The following DGKB variants were observed in gnomAD, a reference collection of about 807,000 sequenced individuals.
DGKB encodes diacylglycerol kinase beta, also known as 90 kDa diacylglycerol kinase.
A neutral mutation model predicts 114.3 loss-of-function variants in DGKB; 67 were observed. The observed-to-expected ratio is 0.59, with a 90% CI of 0.48 to 0.72. DGKB has a LOEUF of 0.72. Among genes scored for constraint, DGKB ranks in the 30% least tolerant of loss-of-function variants. The probability of loss-of-function intolerance (pLI) is 0.00; values close to 1 mark genes in which losing one functional copy is unlikely to be tolerated. For missense variants in DGKB, 907 were observed against 975.2 expected, an observed-to-expected ratio of 0.93 and a Z score of 0.93; for synonymous variants, 398 against 323.1, an observed-to-expected ratio of 1.23 and a Z score of -2.49.
chr7:14,837,676 A>C (rs896518214), intron 2 of DGKB, among the ~76,000 whole-genome samples: 3 of 152,178 alleles, frequency 2.0e-5, no homozygotes, highest in Non-Finnish European at 4.4e-5. Flanking sequence ...ACTTACCAAT[A>C]CTGCATTGCA....
intron 1 of DGKB, among the ~76,000 whole-genome samples, chr7:14,872,576 T>A (rs1256643486): frequency 6.6e-6 from 1 of 151,996 alleles, no homozygotes; most frequent in Non-Finnish European, 1.5e-5. Flanking sequence ...TAATGTAGTA[T>A]TTTGGTGAAT....
chr7:14,289,860 G>A (rs577983721), intron 23 of DGKB, among the ~76,000 whole-genome samples: 267 of 151,752 alleles, frequency 1.8e-3, no homozygotes, highest in Middle Eastern at 6.9e-3. Context: ...AAAGGCAAAC[G>A]GAACTTTGCA....
At chr7:14,514,769 G>A (rs185363926) in intron 20 of DGKB, among the ~76,000 whole-genome samples, 1 of 152,166 alleles carries the variant, frequency 6.6e-6, no homozygotes, top group East Asian at 1.9e-4. Flanking sequence ...TTTAAAAAAA[G>A]GAGGCCAGGT....
chr7:14,345,513 A>G, intron 21 of DGKB, 122 bp from the exon 22 acceptor site: 3 of 553,798 alleles, frequency 5.4e-6, no homozygotes, highest in African/African-American at 1.9e-5. Context: ...GACATCTAAA[A>G]TGTAATAGAT....
intron 1 of DGKB, among the ~76,000 whole-genome samples, chr7:14,965,738 A>G (rs1394386961): frequency 6.6e-6 from 1 of 152,068 alleles, no homozygotes; most frequent in African/African-American, 2.4e-5. Context: ...TGACATCAAA[A>G]TAATATAAAA....
intron 1 of DGKB, among the ~76,000 whole-genome samples, chr7:14,876,652 GCTCATGCAA>G (rs1398983139): frequency 6.6e-6 from 1 of 152,188 alleles, no homozygotes; most frequent in Non-Finnish European, 1.5e-5. Flanking sequence ...ATCAAATTCA[GCTCATGCAA>G]CTTGGTTGCT....
chr7:14,833,522 G>A (rs960258806), intron 2 of DGKB, among the ~76,000 whole-genome samples: 1 of 152,092 alleles, frequency 6.6e-6, no homozygotes, highest in African/African-American at 2.4e-5. Flanking sequence ...TCTCCACAAG[G>A]AAAGGGGAGA....
rs575395858 is a variant in DGKB at position 14,391,804 on chromosome 7, G to A, written c.1836-46413C>T. On this transcript the variant is annotated intron_variant, in intron 21 of 25. Transcript: ENST00000402815. ...CTTCAGTAGTGTTCACATGCTTAAA[G>A]TTAAAATAAATGCAAAATGCTCACT... Among the ~76,000 whole-genome samples, 30 of 152,256 alleles carry A rather than the reference G, an allele frequency of 2.0e-4. 3 individuals carry two copies. In the East Asian group the frequency reaches 3.5e-3, roughly 18 times the overall value.
At chr7:14,490,193 G>T (rs760153076) in intron 20 of DGKB, among the ~76,000 whole-genome samples, 2 of 151,956 alleles carry the variant, frequency 1.3e-5, no homozygotes, top group East Asian at 3.9e-4. Context: ...TCAAGTTAAG[G>T]TAGCCAAAAC....
intron 25 of DGKB, among the ~76,000 whole-genome samples, chr7:14,160,074 A>G (rs1783635187): frequency 6.6e-6 from 1 of 152,034 alleles, no homozygotes; most frequent in African/African-American, 2.4e-5. Flanking sequence ...CACCTCACAG[A>G]TTTGTCATGA....
chr7:14,258,678 C>T (rs1166240354), intron 23 of DGKB, among the ~76,000 whole-genome samples: 1 of 152,110 alleles, frequency 6.6e-6, no homozygotes, highest in Admixed American at 6.6e-5. Flanking sequence ...TATGGAAATA[C>T]GCATAAGCAC....
chr7:14,599,184 AT>A (rs1473706146), intron 17 of DGKB, among the ~76,000 whole-genome samples: 3 of 152,196 alleles, frequency 2.0e-5, no homozygotes, highest in Non-Finnish European at 4.4e-5. Context: ...ATCATTCTTC[AT>A]TGCAATGCAC....
At chr7:14,544,595 A>G (rs1033224600) in intron 20 of DGKB, among the ~76,000 whole-genome samples, 3 of 152,176 alleles carry the variant, frequency 2.0e-5, no homozygotes, top group Non-Finnish European at 2.9e-5. Context: ...TTGCTGATAC[A>G]CAAGTCAAAC....
intron 21 of DGKB, among the ~76,000 whole-genome samples, chr7:14,392,990 T>TTTTTGTTTTTGTTTTTTTTTTTG (rs1554404697): frequency 1.1e-4 from 3 of 27,874 alleles, no homozygotes; most frequent in Non-Finnish European, 1.6e-4. Flanking sequence ...CTGTTTTTTG[T>TTTTTGTTTTTGTTTTTTTTTTTG]TTTTGTTTTT....
At chr7:14,355,510 G>A (rs1259512014) in intron 21 of DGKB, among the ~76,000 whole-genome samples, 8 of 152,136 alleles carry the variant, frequency 5.3e-5, no homozygotes, top group Non-Finnish European at 1.2e-4. Flanking sequence ...TTTGTTAAAG[G>A]CCTTTTCTGC....
At chr7:14,613,885 AC>A (rs1806049638) in intron 15 of DGKB, among the ~76,000 whole-genome samples, 1 of 152,228 alleles carries the variant, frequency 6.6e-6, no homozygotes, top group African/African-American at 2.4e-5. Context: ...CCACCTGTGA[AC>A]TGGAAAGAAA....
intron 1 of DGKB, among the ~76,000 whole-genome samples, chr7:14,972,782 A>C (rs1787550628): frequency 6.6e-6 from 1 of 152,104 alleles, no homozygotes; most frequent in African/African-American, 2.4e-5. Context: ...TTTAACAGAG[A>C]GATTAAAATG....
chr7:14,445,520 A>G (rs925841492), intron 21 of DGKB, among the ~76,000 whole-genome samples: 1 of 151,982 alleles, frequency 6.6e-6, no homozygotes, highest in Admixed American at 6.6e-5. Flanking sequence ...AAATTCAGAA[A>G]TGTATTTAAA....
At chr7:14,711,292 T>A (rs1827314381) in intron 6 of DGKB, among the ~76,000 whole-genome samples, 1 of 152,086 alleles carries the variant, frequency 6.6e-6, no homozygotes, top group Non-Finnish European at 1.5e-5. Context: ...AAAAATATCA[T>A]ACATATATTG....
Sources: gnomAD v4.1 joint callset for allele counts (sites outside exome capture counted in the v4.1 genomes callset) on GRCh38, gnomAD v4.1.1 for gene constraint, MANE v1.5 for transcripts, NCBI Gene and HGNC (gene_info 2026-07-23, HGNC 2026-07-21) for gene names.